KCNIP1: variants seen among roughly 807,000 people sequenced by gnomAD.
KCNIP1 encodes the protein A-type potassium channel modulatory protein KCNIP1.
A neutral mutation model predicts 33.0 loss-of-function variants in KCNIP1; 18 were observed. The ratio of observed to expected loss-of-function variants is 0.55; its 90% CI spans 0.38 to 0.81. The LOEUF (loss-of-function observed/expected upper bound fraction) is 0.81, where lower values mean the gene tolerates loss of function less well. Ranked by LOEUF, KCNIP1 falls within the 30% of genes least tolerant of loss-of-function variation. The pLI is 0.00. For synonymous variants in KCNIP1, 93 were observed against 98.3 expected, an observed-to-expected ratio of 0.95 and a Z score of 0.32; for missense variants, 238 against 271.6, an observed-to-expected ratio of 0.88 and a Z score of 0.87.
chr5:170,661,560 C>T (rs1248097059), intron 1 of KCNIP1, among the ~76,000 whole-genome samples: 1 of 152,088 alleles, frequency 6.6e-6, no homozygotes, highest in Non-Finnish European at 1.5e-5. Flanking sequence ...GATGCGAGTT[C>T]TGCACCTCCC....
chr5:170,438,295 G>T (rs185739942), intron 1 of KCNIP1, among the ~76,000 whole-genome samples: 73 of 152,276 alleles, frequency 4.8e-4, no homozygotes, highest in African/African-American at 1.7e-3. Context: ...CAAGGCTCTA[G>T]TGTTCAAACT....
chr5:170,411,470 G>T (rs1755187580), intron 1 of KCNIP1, among the ~76,000 whole-genome samples: 1 of 152,194 alleles, frequency 6.6e-6, no homozygotes, highest in Non-Finnish European at 1.5e-5. Flanking sequence ...GATTGTGTGT[G>T]TACATGTGTG....
chr5:170,566,826 A>T (rs989420450), intron 1 of KCNIP1, among the ~76,000 whole-genome samples: 4 of 152,260 alleles, frequency 2.6e-5, no homozygotes, highest in African/African-American at 9.6e-5. Context: ...TGAACTGGTT[A>T]TTAAAATGCA....
chr5:170,565,405 C>T (rs1378974063), intron 1 of KCNIP1, among the ~76,000 whole-genome samples: 2 of 152,202 alleles, frequency 1.3e-5, no homozygotes, highest in Non-Finnish European at 2.9e-5. Flanking sequence ...GGCCAAGGTA[C>T]TGCAGGAAGC....
intron 1 of KCNIP1, among the ~76,000 whole-genome samples, chr5:170,516,638 T>G (rs1444074103): frequency 6.6e-6 from 1 of 152,198 alleles, no homozygotes; most frequent in Non-Finnish European, 1.5e-5. Context: ...CATAGCACAT[T>G]GGAGGCCATT....
chr5:170,718,551 C>T (rs564427293), intron 1 of KCNIP1, among the ~76,000 whole-genome samples: 19 of 152,282 alleles, frequency 1.2e-4, no homozygotes, highest in African/African-American at 2.4e-4. Flanking sequence ...TCTCCAACGC[C>T]GAAGCCCCCT....
intron 1 of KCNIP1, among the ~76,000 whole-genome samples, chr5:170,626,998 G>A (rs1053024897): frequency 6.6e-6 from 1 of 152,190 alleles, no homozygotes; most frequent in African/African-American, 2.4e-5. Context: ...CAGGGACAGG[G>A]AGATGGGACT....
intron 1 of KCNIP1, among the ~76,000 whole-genome samples, chr5:170,564,873 C>CT (rs1311987304): frequency 1.3e-5 from 2 of 151,520 alleles, no homozygotes; most frequent in Admixed American, 6.6e-5. Context: ...ACCAGTTACA[C>CT]TTTTTTTTTC....
At chr5:170,677,743 C>T (rs77340418) in intron 1 of KCNIP1, among the ~76,000 whole-genome samples, 3,195 of 152,172 alleles carry the variant, frequency 0.021, 107 homozygotes, top group African/African-American at 0.072. Flanking sequence ...ACCCCACATC[C>T]CCCTGACACA....
chr5:170,483,088 C>T (rs1413397666), intron 1 of KCNIP1: 2 of 454,594 alleles, frequency 4.4e-6, no homozygotes, highest in African/African-American at 4.0e-5. Flanking sequence ...CTGGGGCCCG[C>T]AGAGCCGGAT....
chr5:170,629,437 G>A (rs536729221), intron 1 of KCNIP1, among the ~76,000 whole-genome samples: 75 of 152,328 alleles, frequency 4.9e-4, no homozygotes, highest in Non-Finnish European at 1.0e-3. Context: ...GCCAAGCCCT[G>A]ATGGAGTTGG....
chr5:170,377,174 G>C (rs989832160), intron 1 of KCNIP1: 2 of 152,242 alleles, frequency 1.3e-5, no homozygotes, highest in Non-Finnish European at 2.9e-5. Flanking sequence ...GAAAATCCTC[G>C]CGACAGGACG....
At chr5:170,564,987 C>T (rs911940172) in intron 1 of KCNIP1, among the ~76,000 whole-genome samples, 2 of 152,108 alleles carry the variant, frequency 1.3e-5, no homozygotes, top group African/African-American at 4.8e-5. Context: ...TACCTGGCCC[C>T]AAGTCCTGTG....
chr5:170,669,733 A>G (rs6555910), intron 1 of KCNIP1: 226,799 of 708,700 alleles, frequency 0.32, 37,800 homozygotes, highest in East Asian at 0.53. Flanking sequence ...CATAATTAAC[A>G]CTAATGAGAT....
intron 1 of KCNIP1, among the ~76,000 whole-genome samples, chr5:170,611,007 C>A (rs1418895989): frequency 6.6e-6 from 1 of 152,212 alleles, no homozygotes; most frequent in Non-Finnish European, 1.5e-5. Context: ...CTGAGTTCCC[C>A]CCAAAATGAA....
intron 1 of KCNIP1, among the ~76,000 whole-genome samples, chr5:170,715,457 G>T (rs1763614323): frequency 6.6e-6 from 1 of 152,108 alleles, no homozygotes; most frequent in Non-Finnish European, 1.5e-5. Flanking sequence ...AAAACATTAA[G>T]GATCACTTAA....
At chr5:170,627,032 C>T (rs577385264) in intron 1 of KCNIP1, among the ~76,000 whole-genome samples, 6 of 152,242 alleles carry the variant, frequency 3.9e-5, no homozygotes, top group South Asian at 2.1e-4. Context: ...TAGCCCTGGC[C>T]GGTGTTCAGT....
intron 1 of KCNIP1, among the ~76,000 whole-genome samples, chr5:170,431,699 C>T (rs926130871): frequency 2.0e-5 from 3 of 152,204 alleles, no homozygotes; most frequent in Non-Finnish European, 2.9e-5. Context: ...CAGAGGTTGC[C>T]GGGGCATCCA....
intron 1 of KCNIP1, among the ~76,000 whole-genome samples, chr5:170,551,774 A>C (rs779166356): frequency 2.8e-4 from 42 of 151,430 alleles, no homozygotes; most frequent in Admixed American, 4.6e-4. Context: ...TAGGTGTATG[A>C]ATGTGAGTGT....
Sources: gnomAD v4.1 joint callset for allele counts (sites outside exome capture counted in the v4.1 genomes callset) on GRCh38, gnomAD v4.1.1 for gene constraint, MANE v1.5 for transcripts, NCBI Gene and HGNC (gene_info 2026-07-23, HGNC 2026-07-21) for gene names.